GPC6: variants seen among roughly 807,000 people sequenced by gnomAD.
The protein encoded by GPC6 is glypican 6.
A neutral mutation model predicts 55.2 loss-of-function variants in GPC6; 14 were observed. The observed-to-expected ratio is 0.25, with a 90% CI of 0.17 to 0.40. GPC6 has a LOEUF of 0.40. Among genes scored for constraint, GPC6 ranks in the 10% least tolerant of loss-of-function variants. GPC6 has a pLI of 1.00. For synonymous variants in GPC6, 278 were observed against 259.6 expected (o/e 1.07, Z -0.68); for missense variants, 641 against 708.5 (o/e 0.90, Z 1.08).
chr13:93,237,752 A>G (rs1481667204), intron 1 of GPC6, among the ~76,000 whole-genome samples: 1 of 151,880 alleles, frequency 6.6e-6, no homozygotes, highest in African/African-American at 2.4e-5. Flanking sequence ...ATATGGTGAG[A>G]GATAGGGATC....
At chr13:94,108,337 A>G (rs1272545329) in intron 4 of GPC6, among the ~76,000 whole-genome samples, 2 of 152,140 alleles carry the variant, frequency 1.3e-5, no homozygotes, top group Non-Finnish European at 2.9e-5. Flanking sequence ...GAGCCAAACT[A>G]TGAGGATTCA....
intron 1 of GPC6, among the ~76,000 whole-genome samples, chr13:93,407,940 T>C (rs1566341042): frequency 6.6e-6 from 1 of 152,228 alleles, no homozygotes; most frequent in African/African-American, 2.4e-5. Context: ...ATTGTTGTGT[T>C]GAGGAGCTCA....
intron 3 of GPC6, among the ~76,000 whole-genome samples, chr13:94,020,346 A>G (rs1196661283): frequency 1.3e-5 from 2 of 152,162 alleles, no homozygotes; most frequent in Admixed American, 6.5e-5. Flanking sequence ...CAGAGAATAT[A>G]CTTTGTACGA....
intron 4 of GPC6, among the ~76,000 whole-genome samples, chr13:94,052,135 T>C (rs1883970164): frequency 6.6e-6 from 1 of 152,188 alleles, no homozygotes; most frequent in African/African-American, 2.4e-5. Context: ...TGGCTACATA[T>C]GTTGAAAATG....
At chr13:93,390,133 G>T (rs1445670405) in intron 1 of GPC6, among the ~76,000 whole-genome samples, 1 of 151,602 alleles carries the variant, frequency 6.6e-6, no homozygotes, top group Admixed American at 6.6e-5. Context: ...GACCGAATTT[G>T]CTTAAGGAGA....
intron 2 of GPC6, among the ~76,000 whole-genome samples, chr13:93,811,102 G>A (rs1196713950): frequency 6.6e-6 from 1 of 152,190 alleles, no homozygotes; most frequent in Non-Finnish European, 1.5e-5. Context: ...CAGATTTATG[G>A]TGGATGGGCA....
chr13:93,655,261 A>G (rs1365484879), intron 2 of GPC6, among the ~76,000 whole-genome samples: 1 of 152,066 alleles, frequency 6.6e-6, no homozygotes, highest in Non-Finnish European at 1.5e-5. Context: ...AAATGCTTTC[A>G]TTGCCACATA....
intron 3 of GPC6, among the ~76,000 whole-genome samples, chr13:93,918,975 G>A (rs1226408666): frequency 6.6e-6 from 1 of 152,178 alleles, no homozygotes; most frequent in Admixed American, 6.5e-5. Context: ...TCCCAGTGTG[G>A]GAGGTGGAAC....
At position 93,880,961 on chromosome 13, in the gene GPC6, G is replaced by T. The variant is rs569575699; in HGVS notation, c.711+50416G>T. Reference sequence around the variant, plus strand: ...AAGGAAAGAATTTCAAAAAGGAAGAGGTCAACAGTATAAAAATCCACGGCT... The same window carrying T: ...AAGGAAAGAATTTCAAAAAGGAAGATGTCAACAGTATAAAAATCCACGGCT... On this transcript the variant is annotated intron_variant, in intron 3 of 8. Coordinates refer to ENST00000377047, the MANE Select transcript of GPC6 (RefSeq NM_005708.5). 8.9e-4 allele frequency among the ~76,000 whole-genome samples: 135 copies of T among 151,486 alleles called. 1 individual carries two copies. The highest frequency in any genetic ancestry group is 3.4e-3 in the Middle Eastern group (1 of 292).
chr13:93,833,314 G>A (rs7339346), intron 3 of GPC6, among the ~76,000 whole-genome samples: 5,149 of 152,118 alleles, frequency 0.034, 283 homozygotes, highest in African/African-American at 0.12. Context: ...GTGATCTACT[G>A]GTACTATGAT....
chr13:93,796,151 G>A (rs528537849), intron 2 of GPC6, among the ~76,000 whole-genome samples: 9 of 151,930 alleles, frequency 5.9e-5, no homozygotes, highest in Admixed American at 3.3e-4. Flanking sequence ...TGCCATGATT[G>A]CACCACTGCA....
intron 3 of GPC6, among the ~76,000 whole-genome samples, chr13:93,928,399 C>T (rs562310699): frequency 3.3e-5 from 5 of 151,914 alleles, no homozygotes; most frequent in East Asian, 1.9e-4. Flanking sequence ...GCTTATATAG[C>T]GATTCATATA....
chr13:93,830,641 A>G, intron 3 of GPC6, 96 bp downstream of exon 3: 2 of 1,069,258 alleles, frequency 1.9e-6, no homozygotes, highest in South Asian at 3.0e-5. Context: ...AAAAAAAACC[A>G]AGGTAAAAAT....
At chr13:93,228,358 C>T (rs2138997211) in intron 1 of GPC6, among the ~76,000 whole-genome samples, 2 of 152,306 alleles carry the variant, frequency 1.3e-5, no homozygotes, top group South Asian at 4.1e-4. Flanking sequence ...CGGTCTGGAG[C>T]CGGCCTCGTC....
At chr13:94,307,184 A>C (rs1332209671) in intron 6 of GPC6, among the ~76,000 whole-genome samples, 1 of 152,214 alleles carries the variant, frequency 6.6e-6, no homozygotes, top group Non-Finnish European at 1.5e-5. Context: ...CTATCCATGA[A>C]GTATCAAAAT....
At chr13:93,675,233 G>A (rs539218034) in intron 2 of GPC6, among the ~76,000 whole-genome samples, 1 of 151,972 alleles carries the variant, frequency 6.6e-6, no homozygotes, top group South Asian at 2.1e-4. Flanking sequence ...AACTCTTTAA[G>A]TCTCCAGTTT....
At chr13:93,923,207 C>CA (rs1167848273) in intron 3 of GPC6, among the ~76,000 whole-genome samples, 1 of 152,084 alleles carries the variant, frequency 6.6e-6, no homozygotes, top group Non-Finnish European at 1.5e-5. Flanking sequence ...GCTACAGATG[C>CA]ACTTAATTAT....
At chr13:93,327,850 C>G (rs772591318) in intron 1 of GPC6, among the ~76,000 whole-genome samples, 4 of 151,786 alleles carry the variant, frequency 2.6e-5, no homozygotes, top group African/African-American at 4.8e-5. Context: ...ATATTTTAAG[C>G]CTTCTAAATT....
At chr13:94,266,370 G>A (rs566365664) in intron 4 of GPC6, among the ~76,000 whole-genome samples, 1,868 of 152,118 alleles carry the variant, frequency 0.012, 40 homozygotes, top group African/African-American at 0.041. Context: ...GGGTTTCACT[G>A]TGTTAGCCAG....
Sources: allele counts gnomAD v4.1 joint callset (sites outside exome capture counted in the v4.1 genomes callset), GRCh38; gene constraint gnomAD v4.1.1; transcripts MANE v1.5; gene names NCBI Gene and HGNC (gene_info 2026-07-23, HGNC 2026-07-21).